The following NMI variants were observed in gnomAD, a reference collection of about 807,000 sequenced individuals.
NMI encodes N-myc-interactor.
Under a neutral mutation model 34.3 loss-of-function variants are expected in NMI, and 39 were observed. The observed-to-expected ratio is 1.14, with a 90% CI of 0.88 to 1.49. The LOEUF (loss-of-function observed/expected upper bound fraction) is 1.49. Ranked by LOEUF, NMI falls within the 40% of genes most tolerant of loss-of-function variation. The pLI, the probability that NMI is intolerant of heterozygous loss-of-function variation, is 0.00. For missense variants in NMI, 339 were observed against 358.1 expected, an observed-to-expected ratio of 0.95 and a Z score of 0.43; for synonymous variants, 113 against 120.3, an observed-to-expected ratio of 0.94 and a Z score of 0.40.
chr2:151,275,617 T>C lies in NMI; in HGVS notation c.501A>G (p.Thr167=). 6.2e-7 allele frequency: 1 copy of C among 1,614,204 alleles called. No homozygotes were observed. Among genetic ancestry groups the C allele is most frequent in the Non-Finnish European group, 8.5e-7 (1 of 1,180,012 alleles). Residue 167 remains threonine (T), a synonymous_variant, in exon 6 of 8, where the codon ACA becomes ACG. Coordinates refer to ENST00000243346, the MANE Select transcript of NMI (RefSeq NM_004688.3). ...TGTCTCTCATTTGATCTTCACGCAA[T>C]GTGTCAGGAATTTCAGTAACATTGA... The part of the protein sequence containing the change: ...MKINVTEIPD[T]LREDQMRDKL...
In NMI at chr2:151,275,495, A is replaced by T. The variant is rs1198121084; in HGVS notation, c.623T>A (p.Val208Glu). The change falls in exon 6 of 8, where the codon GTG becomes GAG. Residue 208 changes from valine (V) to glutamate (E), a missense_variant. Physicochemically the swap from Val to Glu is moderately radical, Grantham distance 121. Transcript: ENST00000243346. ...RQSGSAVITF[V>E]EIGVADKILK... The stretch of plus-strand genomic sequence containing the variant: ...ACACCCTTGAGTACCTCCAATCTCC[A>T]CAAACGTGATGACTGCACTCCCGGA... 1 of 1,613,618 alleles carries T rather than the reference A, an allele frequency of 6.2e-7. No homozygotes were observed. Among genetic ancestry groups the T allele is most frequent in the Non-Finnish European group, 8.5e-7 (1 of 1,179,952 alleles).
intron 1 of NMI, among the ~76,000 whole-genome samples, chr2:151,284,697 G>A (rs1683464033): frequency 6.6e-6 from 1 of 151,970 alleles, no homozygotes; most frequent in Admixed American, 6.6e-5. Flanking sequence ...GCCTACATAT[G>A]AATTTACTGA....
rs767504298 is a variant in NMI at position 151,271,608 on chromosome 2, G to A, written c.741+18C>T. 1 of 1,262,388 alleles carries A rather than the reference G, an allele frequency of 7.9e-7. No homozygotes were observed. The highest frequency in any genetic ancestry group is 1.7e-5 in the Admixed American group (1 of 57,512). 78.2% of individuals were successfully genotyped at this position (1,262,388 alleles called of 1,614,324 possible). ...TGGGCAGTGAGTTCTGAAAATGAGAGAACAGAGATGACTTTACCTGATACT... is the reference window on the plus strand; with the variant it reads ...TGGGCAGTGAGTTCTGAAAATGAGAAAACAGAGATGACTTTACCTGATACT... On this transcript the variant is annotated intron_variant, in intron 7 of 7. Transcript: ENST00000243346.
intron 1 of NMI, among the ~76,000 whole-genome samples, chr2:151,285,238 T>A (rs944105472): frequency 6.6e-6 from 1 of 152,082 alleles, no homozygotes; most frequent in African/African-American, 2.4e-5. Context: ...AGGAGCCAAG[T>A]TTTTCACCGT....
At chr2:151,276,552 A>ATTC (rs1268502249) in intron 4 of NMI, among the ~76,000 whole-genome samples, 1 of 152,180 alleles carries the variant, frequency 6.6e-6, no homozygotes, top group East Asian at 1.9e-4. Flanking sequence ...TTACCAGAGG[A>ATTC]TTCCCCTAGT....
At chr2:151,282,751 G>C (rs1683428185) in intron 2 of NMI, 117 bp downstream of exon 2, 1 of 528,858 alleles carries the variant, frequency 1.9e-6, no homozygotes, top group Non-Finnish European at 3.3e-6. Context: ...TTTTTTTAAA[G>C]CCTAACGGCC....
intron 3 of NMI, among the ~76,000 whole-genome samples, chr2:151,280,267 A>G (rs1017105534): frequency 6.6e-6 from 1 of 152,170 alleles, no homozygotes; most frequent in African/African-American, 2.4e-5. Flanking sequence ...ATTGGGATTA[A>G]CAGATTCATA....
intron 7 of NMI, 56 bp from the exon 8 acceptor site, chr2:151,270,931 C>T: frequency 1.5e-6 from 2 of 1,291,880 alleles, no homozygotes; most frequent in Non-Finnish European, 1.1e-6. Flanking sequence ...AATTACAAAA[C>T]TTTACATTCA....
At chr2:151,286,195 G>A (rs1458568324) in intron 1 of NMI, among the ~76,000 whole-genome samples, 1 of 152,152 alleles carries the variant, frequency 6.6e-6, no homozygotes, top group Non-Finnish European at 1.5e-5. Context: ...ATATTACAAG[G>A]TGCACTGAGA....
In NMI at chr2:151,288,564, A is replaced by AGTGTGTGT. The variant is rs80140260; in HGVS notation, c.-7+1021_-7+1028dup. On this transcript the variant is annotated intron_variant, in intron 1 of 7. Transcript: ENST00000243346. ...CCTAAGATAGTAAATTGTGTATGTG[A>AGTGTGTGT]GTGTGTGTGTGTGTGTGTGTGTGCG... Among the ~76,000 whole-genome samples, 68 of 149,614 alleles carry AGTGTGTGT rather than the reference A, an allele frequency of 4.5e-4. 1 individual carries two copies. The highest frequency in any genetic ancestry group is 1.5e-3 in the African/African-American group (61 of 41,082).
intron 4 of NMI, chr2:151,277,176 G>C (rs1271901795): frequency 6.6e-6 from 1 of 152,232 alleles, no homozygotes; most frequent in Non-Finnish European, 1.5e-5. Flanking sequence ...CCAGAAGGCA[G>C]GGCCTTGGCC....
intron 6 of NMI, among the ~76,000 whole-genome samples, chr2:151,274,969 C>A (rs969972700): frequency 6.6e-6 from 1 of 151,986 alleles, no homozygotes; most frequent in Non-Finnish European, 1.5e-5. Flanking sequence ...CAGCCTCAAC[C>A]TCCTGGCCTC....
intron 3 of NMI, among the ~76,000 whole-genome samples, chr2:151,279,293 C>T (rs888507323): frequency 6.6e-6 from 1 of 152,128 alleles, no homozygotes; most frequent in African/African-American, 2.4e-5. Context: ...CTAAAGCCTA[C>T]ATCATTCATG....
chr2:151,284,129 G>A (rs1486985651), intron 1 of NMI, among the ~76,000 whole-genome samples: 5 of 152,074 alleles, frequency 3.3e-5, no homozygotes, highest in South Asian at 4.1e-4. Context: ...AGGCCAAGGC[G>A]GGTGGATCAC....
chr2:151,284,608 G>GC (rs1683463118), intron 1 of NMI, among the ~76,000 whole-genome samples: 1 of 147,742 alleles, frequency 6.8e-6, no homozygotes, highest in Non-Finnish European at 1.5e-5. Flanking sequence ...TTGACTAAAT[G>GC]TTTTTTTTTT....
At position 151,270,653 on chromosome 2, in the gene NMI, TC is replaced by T. The variant is rs776696079; in HGVS notation, c.*39del. 67 of 1,481,228 alleles carry T rather than the reference TC, an allele frequency of 4.5e-5. No homozygotes were observed. The highest frequency in any genetic ancestry group is 6.2e-5 in the Non-Finnish European group (67 of 1,084,624). 91.8% of individuals were successfully genotyped at this position (1,481,228 alleles called of 1,614,324 possible). On this transcript the variant is annotated 3_prime_UTR_variant, in exon 8 of 8. Coordinates refer to ENST00000243346, the MANE Select transcript of NMI (RefSeq NM_004688.3). ...CATTTTTGTCAAACATTTACAGTAA[TC>T]CGGGTTAAAAAGCTATAGTTTTCAT... is the stretch of plus-strand genomic sequence containing the variant.
chr2:151,282,959 T>C lies in NMI; in HGVS notation c.-6-5A>G. The C allele has an allele frequency of 1.4e-6, 2 of 1,411,792 alleles. No homozygotes were observed. Among genetic ancestry groups the C allele is most frequent in the African/African-American group, 1.4e-5 (1 of 69,574 alleles). The allele number at this position is 1,411,792 out of a possible 1,614,324, so 87.5% of individuals were successfully genotyped here. On this transcript the variant is annotated splice_region_variant and splice_polypyrimidine_tract_variant and intron_variant, in intron 1 of 7. Coordinates refer to ENST00000243346, the MANE Select transcript of NMI (RefSeq NM_004688.3). ...TTTATCAGCTTCCATGATCCCCTAA[T>C]ATTATAAAAAATAAATATTATAAGC...
chr2:151,288,667 CA>C (rs1345159259), intron 1 of NMI, among the ~76,000 whole-genome samples: 1 of 152,146 alleles, frequency 6.6e-6, no homozygotes, highest in Non-Finnish European at 1.5e-5. Flanking sequence ...AAAACTGATA[CA>C]AATCAACATC....
intron 4 of NMI, among the ~76,000 whole-genome samples, chr2:151,276,880 C>G (rs1042921354): frequency 6.6e-6 from 1 of 152,182 alleles, no homozygotes; most frequent in East Asian, 1.9e-4. Flanking sequence ...GATCACAAAG[C>G]TGTCAAGTCT....
Sources: allele counts gnomAD v4.1 joint callset (sites outside exome capture counted in the v4.1 genomes callset), GRCh38; gene constraint gnomAD v4.1.1; transcripts MANE v1.5; gene names NCBI Gene and HGNC (gene_info 2026-07-23, HGNC 2026-07-21).